Variants in CTNNA3 observed in about 807,000 individuals in gnomAD.
CTNNA3 encodes catenin alpha 3.
In CTNNA3, 76 loss-of-function variants were observed where a neutral mutation model predicts 95.7. The observed-to-expected ratio is 0.79, with a 90% CI of 0.66 to 0.96. The LOEUF (loss-of-function observed/expected upper bound fraction) is 0.96, where lower values mean the gene tolerates loss of function less well. Ranked by LOEUF, CTNNA3 falls within the 40% of genes least tolerant of loss-of-function variation. The pLI is 0.00. For missense variants in CTNNA3, 1,191 were observed against 1,089.8 expected, an observed-to-expected ratio of 1.09 and a Z score of -1.31; for synonymous variants, 431 against 374.4, an observed-to-expected ratio of 1.15 and a Z score of -1.74.
At chr10:67,176,991 G>C (rs754191894) in intron 7 of CTNNA3, 2 of 495,366 alleles carry the variant, frequency 4.0e-6, no homozygotes, top group South Asian at 3.0e-5. Context: ...AGAGCTGAAA[G>C]ACAGAAATTT....
chr10:67,044,290 A>ATT (rs964598214), intron 7 of CTNNA3, among the ~76,000 whole-genome samples: 202 of 152,344 alleles, frequency 1.3e-3, no homozygotes, highest in African/African-American at 4.5e-3. Flanking sequence ...ATAATTTATT[A>ATT]TTTAACAATT....
In CTNNA3 at chr10:66,789,958, C is replaced by T. The variant is rs115976817; in HGVS notation, c.1048-14434G>A. ...GAATGTTAGCTCAGCAGTACTCTCGCTGAGCAATTGCTGATGGAGGAGTGA... is the reference window on the plus strand; with the variant it reads ...GAATGTTAGCTCAGCAGTACTCTCGTTGAGCAATTGCTGATGGAGGAGTGA... On this transcript the variant is annotated intron_variant, in intron 7 of 17. Transcript: ENST00000433211. Among the ~76,000 whole-genome samples the T allele has an allele frequency of 1.1e-3, 173 of 152,208 alleles. 1 individual carries two copies. Among genetic ancestry groups the T allele is most frequent in the African/African-American group, 3.6e-3 (148 of 41,536 alleles).
At chr10:67,189,307 A>G (rs1863011649) in intron 6 of CTNNA3, among the ~76,000 whole-genome samples, 1 of 152,098 alleles carries the variant, frequency 6.6e-6, no homozygotes, top group African/African-American at 2.4e-5. Context: ...AGTGGTGGTT[A>G]CCAGGGGCTA....
In CTNNA3 at chr10:67,074,613, G is replaced by A. The variant is rs546345946; in HGVS notation, c.1047+105704C>T. ...AATCCACCCACCTCGGGTTCCCAAA[G>A]TGCTGGGATTACAGGCGTGAGCCAC... On this transcript the variant is annotated intron_variant, in intron 7 of 17. Transcript: ENST00000433211. Among the ~76,000 whole-genome samples, 5 of 152,126 alleles carry A rather than the reference G, an allele frequency of 3.3e-5. No homozygotes were observed. In the South Asian group the frequency reaches 6.2e-4, roughly 19 times the overall value.
rs752828137 is a variant in CTNNA3, at chr10:66,927,865, A to C, written c.1048-152341T>G. 13 of 1,614,248 alleles carry C rather than the reference A, an allele frequency of 8.1e-6. No individual in the cohort carries two copies. Among genetic ancestry groups the C allele is most frequent in the Non-Finnish European group, 1.1e-5 (13 of 1,180,040 alleles). The stretch of plus-strand genomic sequence containing the variant: ...TCTTGCTGGGAATATATGGGAATGC[A>C]GCAGAAATATTTGCTCCCTTGTAAA... On this transcript the variant is annotated intron_variant, in intron 7 of 17. Transcript: ENST00000433211. This position sits in a 1 kb window ranked among gnomAD's most constrained non-coding sequence, Gnocchi z 4.7.
intron 5 of CTNNA3, among the ~76,000 whole-genome samples, chr10:67,467,465 CT>C (rs112272043): frequency 6.7e-5 from 10 of 148,784 alleles, no homozygotes; most frequent in African/African-American, 1.5e-4. Flanking sequence ...TCAAATATTG[CT>C]TTTTTTAAAA....
chr10:67,418,079 G>T (rs1845608480), intron 5 of CTNNA3, among the ~76,000 whole-genome samples: 1 of 152,100 alleles, frequency 6.6e-6, no homozygotes, highest in Non-Finnish European at 1.5e-5. Context: ...AACCTTAGAA[G>T]AATTATGCCC....
chr10:66,836,634 A>C (rs1267709003), intron 7 of CTNNA3, among the ~76,000 whole-genome samples: 1 of 152,184 alleles, frequency 6.6e-6, no homozygotes, highest in Non-Finnish European at 1.5e-5. Context: ...AAGAGTTCAG[A>C]TATCAAATGT....
chr10:66,342,635 T>A (rs975379567), intron 12 of CTNNA3, among the ~76,000 whole-genome samples: 2 of 152,078 alleles, frequency 1.3e-5, no homozygotes, highest in African/African-American at 4.8e-5. Context: ...ACATTCATTA[T>A]AAACATCTGT....
intron 13 of CTNNA3, among the ~76,000 whole-genome samples, chr10:66,191,248 A>T (rs1416392491): frequency 2.6e-5 from 4 of 152,274 alleles, no homozygotes; most frequent in Admixed American, 2.0e-4. Context: ...TGGCTTCTTA[A>T]CACTTTGGAA....
intron 7 of CTNNA3, among the ~76,000 whole-genome samples, chr10:66,950,626 G>T (rs1018859828): frequency 6.6e-6 from 1 of 152,008 alleles, no homozygotes; most frequent in Non-Finnish European, 1.5e-5. Flanking sequence ...TTTCAGTTAT[G>T]TGAATGGCTC....
chr10:66,896,055 C>T (rs1845477612), intron 7 of CTNNA3, among the ~76,000 whole-genome samples: 1 of 151,944 alleles, frequency 6.6e-6, no homozygotes, highest in South Asian at 2.1e-4. Flanking sequence ...CGAGATTGCG[C>T]CATTGCACTC....
rs1840531156 is a variant in CTNNA3 at position 67,676,177 on chromosome 10, A to C, written c.-6+19823T>G. ...TATTAATGATACAGGCTGGCAAAGA[A>C]GAGAAAGACCCAGGAATTATAAGAA... On this transcript the variant is annotated intron_variant, in intron 1 of 17. Coordinates refer to ENST00000433211, the MANE Select transcript of CTNNA3 (RefSeq NM_013266.4). Among the ~76,000 whole-genome samples, 3 of 152,130 alleles carry C rather than the reference A, an allele frequency of 2.0e-5. No individual in the cohort carries two copies. The East Asian group carries it at 5.8e-4, about 29-fold the overall frequency.
intron 13 of CTNNA3, among the ~76,000 whole-genome samples, chr10:66,120,217 G>C (rs1273428838): frequency 6.6e-6 from 1 of 152,120 alleles, no homozygotes; most frequent in African/African-American, 2.4e-5. Flanking sequence ...AAGAAGTTGT[G>C]TAGCATTAAT....
chr10:66,289,615 C>T lies in CTNNA3; in HGVS notation c.1733-8994G>A, dbSNP rs113046073. ...ATTTGTTGAATGAATGAAGAAAACT[C>T]CTGTTTTAAATGCAGTAGGGGAGCT... On this transcript the variant is annotated intron_variant, in intron 12 of 17. Transcript: ENST00000433211. 4.5e-3 allele frequency among the ~76,000 whole-genome samples: 679 copies of T among 151,888 alleles called. 5 individuals carry two copies. The highest frequency in any genetic ancestry group is 0.016 in the African/African-American group (652 of 41,488).
chr10:66,797,469 CAAAG>C (rs1474750212), intron 7 of CTNNA3, among the ~76,000 whole-genome samples: 1 of 149,450 alleles, frequency 6.7e-6, no homozygotes, highest in Non-Finnish European at 1.5e-5. Context: ...AATGGCAAAA[CAAAG>C]GAAACTAAGT....
intron 7 of CTNNA3, among the ~76,000 whole-genome samples, chr10:66,982,404 T>G (rs1355461203): frequency 6.6e-6 from 1 of 152,148 alleles, no homozygotes; most frequent in African/African-American, 2.4e-5. Context: ...AAATCTCAGT[T>G]TTTTCACCTC....
At chr10:66,719,731 T>C (rs941900275) in intron 9 of CTNNA3, among the ~76,000 whole-genome samples, 1 of 152,114 alleles carries the variant, frequency 6.6e-6, no homozygotes, top group Admixed American at 6.6e-5. Context: ...CATATTTGAG[T>C]CACTTTGTTC....
chr10:67,001,296 T>C (rs1468238737), intron 7 of CTNNA3, among the ~76,000 whole-genome samples: 2 of 135,902 alleles, frequency 1.5e-5, no homozygotes, highest in Non-Finnish European at 3.1e-5. Context: ...TGAGACTCTG[T>C]CTAAAAAAAA....
Sources: gnomAD v4.1 joint callset for allele counts (sites outside exome capture counted in the v4.1 genomes callset) on GRCh38, gnomAD v4.1.1 for gene constraint, Gnocchi (gnomAD v3.1) non-coding constraint, MANE v1.5 for transcripts, NCBI Gene and HGNC (gene_info 2026-07-23, HGNC 2026-07-21) for gene names.